PTK2: variants seen among roughly 807,000 people sequenced by gnomAD.
PTK2 encodes protein tyrosine kinase 2, also known as focal adhesion kinase 1.
A neutral mutation model predicts 150.1 loss-of-function variants in PTK2; 45 were observed. The ratio of observed to expected loss-of-function variants is 0.30; its 90% confidence interval spans 0.24 to 0.38. The LOEUF (loss-of-function observed/expected upper bound fraction) is 0.38, where lower values mean the gene tolerates loss of function less well. Ranked by LOEUF, PTK2 falls within the 10% of genes least tolerant of loss-of-function variation. The pLI is 1.00. For synonymous variants in PTK2, 432 were observed against 449.2 expected, an observed-to-expected ratio of 0.96 and a Z score of 0.48; for missense variants, 919 against 1,307.3, an observed-to-expected ratio of 0.70 and a Z score of 4.58.
intron 14 of PTK2, among the ~76,000 whole-genome samples, chr8:140,776,779 A>C (rs1411792722): frequency 1.3e-5 from 2 of 152,228 alleles, no homozygotes; most frequent in Non-Finnish European, 2.9e-5. Flanking sequence ...CTGAAAAACT[A>C]AGATAACAAT....
intron 31 of PTK2, chr8:140,662,872 T>C (rs1380509289): frequency 2.1e-5 from 9 of 422,502 alleles, no homozygotes; most frequent in Non-Finnish European, 3.4e-5. Context: ...GAATACTCTA[T>C]AAAATCACTG....
At chr8:140,824,981 A>G (rs1259624432) in intron 8 of PTK2, among the ~76,000 whole-genome samples, 2 of 152,222 alleles carry the variant, frequency 1.3e-5, no homozygotes, top group Non-Finnish European at 2.9e-5. Flanking sequence ...GTTGAGCTAC[A>G]AAAATAACTT....
intron 3 of PTK2, 25 bp downstream of exon 3, chr8:140,890,518 A>G (rs1317064350): frequency 6.4e-7 from 1 of 1,566,544 alleles, no homozygotes; most frequent in African/African-American, 1.4e-5. Context: ...AACATTAAAG[A>G]TGTCTCATGG....
At chr8:140,658,877 G>T (rs931716134) in exon 32 of PTK2, 5 of 226,498 alleles carry the variant, frequency 2.2e-5, no homozygotes, top group African/African-American at 1.1e-4. Context: ...GTAAAAGGCA[G>T]GTAAGACAAA....
chr8:140,742,570 T>C (rs1388212944), intron 20 of PTK2, among the ~76,000 whole-genome samples: 2 of 152,204 alleles, frequency 1.3e-5, no homozygotes, highest in Non-Finnish European at 2.9e-5. Context: ...TGTAATCCCA[T>C]TGTGTTCTTA....
chr8:140,853,997 A>G (rs11786116), intron 5 of PTK2, among the ~76,000 whole-genome samples: 63,566 of 152,084 alleles, frequency 0.42, 15,185 homozygotes, highest in Non-Finnish European at 0.55. Flanking sequence ...AAACTACAAA[A>G]GAAAACTGGA....
chr8:140,793,558 T>C (rs563953979), intron 12 of PTK2, among the ~76,000 whole-genome samples, 174 bp from the exon 13 acceptor site: 2 of 152,230 alleles, frequency 1.3e-5, no homozygotes, highest in Non-Finnish European at 2.9e-5. Flanking sequence ...TCAATATTTA[T>C]AACAAACATA....
At chr8:140,930,292 T>C (rs868841576) in intron 1 of PTK2, among the ~76,000 whole-genome samples, 1 of 152,060 alleles carries the variant, frequency 6.6e-6, no homozygotes, top group South Asian at 2.1e-4. Context: ...AACAGAAACA[T>C]ATCAAAAAAA....
intron 1 of PTK2, among the ~76,000 whole-genome samples, chr8:140,939,839 A>C (rs1191084605): frequency 6.6e-6 from 1 of 152,240 alleles, no homozygotes; most frequent in East Asian, 1.9e-4. Context: ...TCGATGTCAC[A>C]AATTAAGAAA....
At chr8:140,897,552 C>T (rs372668658) in intron 2 of PTK2, among the ~76,000 whole-genome samples, 1 of 152,176 alleles carries the variant, frequency 6.6e-6, no homozygotes, top group Non-Finnish European at 1.5e-5. Flanking sequence ...GTGGCATTCA[C>T]GTGTCTTCAT....
intron 1 of PTK2, among the ~76,000 whole-genome samples, chr8:140,934,063 TCAAC>T (rs1489570526): frequency 6.6e-6 from 1 of 151,870 alleles, no homozygotes; most frequent in African/African-American, 2.4e-5. Flanking sequence ...TTCTAGAAGA[TCAAC>T]CAAGAAAGAA....
intron 27 of PTK2, among the ~76,000 whole-genome samples, chr8:140,683,499 CTA>C (rs910692131): frequency 2.6e-4 from 40 of 152,152 alleles, no homozygotes; most frequent in Non-Finnish European, 5.7e-4. Flanking sequence ...CTAACTCATT[CTA>C]TGAGGCCAGA....
intron 27 of PTK2, among the ~76,000 whole-genome samples, chr8:140,678,484 G>C (rs1374267981): frequency 6.6e-6 from 1 of 152,066 alleles, no homozygotes; most frequent in East Asian, 1.9e-4. Flanking sequence ...GTAGCTGGGA[G>C]CTGGGACCAC....
At chr8:140,932,953 GT>G (rs2100172404) in intron 1 of PTK2, among the ~76,000 whole-genome samples, 1 of 151,900 alleles carries the variant, frequency 6.6e-6, no homozygotes, top group Admixed American at 6.6e-5. Flanking sequence ...CTGGGTTCAA[GT>G]GATTCTCCTG....
At chr8:140,762,741 G>C (rs943310252) in intron 15 of PTK2, among the ~76,000 whole-genome samples, 1 of 151,778 alleles carries the variant, frequency 6.6e-6, no homozygotes, top group Admixed American at 6.6e-5. Flanking sequence ...TGTCTATATG[G>C]CTAATTAAAA....
At chr8:140,896,875 T>C (rs919147520) in intron 2 of PTK2, among the ~76,000 whole-genome samples, 1 of 150,470 alleles carries the variant, frequency 6.6e-6, no homozygotes, top group Non-Finnish European at 1.5e-5. Context: ...AAAACTATAA[T>C]TATGCATAGA....
intron 1 of PTK2, among the ~76,000 whole-genome samples, chr8:140,929,583 CAAGT>C (rs1487200624): frequency 6.6e-6 from 1 of 152,090 alleles, no homozygotes; most frequent in East Asian, 1.9e-4. Context: ...CTCACATACA[CAAGT>C]AAGGACTTGT....
intron 2 of PTK2, among the ~76,000 whole-genome samples, chr8:140,903,290 T>C (rs1044477588): frequency 6.6e-6 from 1 of 152,160 alleles, no homozygotes; most frequent in South Asian, 2.1e-4. Flanking sequence ...CAGATGGTTG[T>C]AGATGTATGG....
At chr8:140,802,817 G>A (rs972676813) in intron 11 of PTK2, among the ~76,000 whole-genome samples, 3 of 152,064 alleles carry the variant, frequency 2.0e-5, no homozygotes, top group Non-Finnish European at 2.9e-5. Flanking sequence ...AGGGCAACAG[G>A]CTATATTGTA....
Sources: allele counts gnomAD v4.1 joint callset (sites outside exome capture counted in the v4.1 genomes callset), GRCh38; gene constraint gnomAD v4.1.1; transcripts MANE v1.5; gene names NCBI Gene and HGNC (gene_info 2026-07-23, HGNC 2026-07-21).